PRKCA: variants seen among roughly 807,000 people sequenced by gnomAD.
PRKCA encodes protein kinase C alpha.
Under a neutral mutation model 87.0 loss-of-function variants are expected in PRKCA, and 27 were observed. That is an observed-to-expected ratio of 0.31 (90% CI 0.23 to 0.43). The LOEUF (loss-of-function observed/expected upper bound fraction) is 0.43, where lower values mean the gene tolerates loss of function less well. PRKCA is among the 20% of genes least tolerant of loss of function. The pLI is 1.00. For missense variants in PRKCA, 518 were observed against 852.3 expected (o/e 0.61, Z 4.88); for synonymous variants, 329 against 311.1 (o/e 1.06, Z -0.61).
chr17:66,323,177 T>A (rs1242388306), intron 2 of PRKCA, among the ~76,000 whole-genome samples: 1 of 152,228 alleles, frequency 6.6e-6, no homozygotes, highest in Non-Finnish European at 1.5e-5. Flanking sequence ...GTACCTGACT[T>A]CTTTTGACCT....
At chr17:66,770,933 G>T (rs1024247172) in intron 13 of PRKCA, among the ~76,000 whole-genome samples, 7 of 152,016 alleles carry the variant, frequency 4.6e-5, no homozygotes, top group African/African-American at 1.7e-4. Context: ...AGAAGTTTGA[G>T]AATTTGGAAA....
chr17:66,584,595 C>T (rs566690559), intron 3 of PRKCA, among the ~76,000 whole-genome samples: 2 of 152,110 alleles, frequency 1.3e-5, no homozygotes, highest in Non-Finnish European at 2.9e-5. Context: ...CCCAAATCAA[C>T]ATGTCAGGAG....
chr17:66,309,837 G>T (rs770478408), intron 2 of PRKCA, among the ~76,000 whole-genome samples: 12 of 152,286 alleles, frequency 7.9e-5, no homozygotes, highest in Middle Eastern at 3.4e-3. Flanking sequence ...ACAGGAAGTA[G>T]ATTTGTGTGG....
At chr17:66,560,649 C>CCA (rs1555619554) in intron 3 of PRKCA, among the ~76,000 whole-genome samples, 1 of 152,158 alleles carries the variant, frequency 6.6e-6, no homozygotes, top group Non-Finnish European at 1.5e-5. Flanking sequence ...AGATAATGTA[C>CCA]CAAACACTTT....
chr17:66,714,226 G>C (rs759632577), intron 8 of PRKCA, among the ~76,000 whole-genome samples: 1 of 150,462 alleles, frequency 6.6e-6, no homozygotes, highest in African/African-American at 2.5e-5. Context: ...CCCCCCACCC[G>C]CTGCTTCCTT....
chr17:66,592,123 G>A (rs1969825352), intron 3 of PRKCA, among the ~76,000 whole-genome samples: 1 of 152,102 alleles, frequency 6.6e-6, no homozygotes, highest in African/African-American at 2.4e-5. Context: ...GAGAGGCCGA[G>A]GCAGGCAGAT....
rs567392959 is a variant in PRKCA at position 66,424,673 on chromosome 17, A to G, written c.206-71528A>G. On this transcript the variant is annotated intron_variant, in intron 2 of 16. Coordinates refer to ENST00000413366, the MANE Select transcript of PRKCA (RefSeq NM_002737.3). Reference sequence around the variant, plus strand: ...AAATCAATGTATGAAAGATCCATAAATATTCTGAATTTGTCTTAATGTGTC... The same window carrying G: ...AAATCAATGTATGAAAGATCCATAAGTATTCTGAATTTGTCTTAATGTGTC... 5.2e-4 allele frequency among the ~76,000 whole-genome samples: 79 copies of G among 152,158 alleles called. 1 individual carries two copies. The highest frequency in any genetic ancestry group is 1.9e-3 in the African/African-American group (79 of 41,504).
intron 8 of PRKCA, 47 bp from the exon 9 acceptor site, chr17:66,732,641 C>A (rs1476638157): frequency 6.2e-7 from 1 of 1,612,012 alleles, no homozygotes; most frequent in Non-Finnish European, 8.5e-7. Context: ...GTCACTCTTT[C>A]CCCAGAAAAA....
chr17:66,584,909 T>C lies in PRKCA; in HGVS notation c.289-56446T>C, dbSNP rs146601732. Among the ~76,000 whole-genome samples the C allele has an allele frequency of 3.7e-3, 562 of 152,276 alleles. 9 individuals carry two copies. The highest frequency in any genetic ancestry group is 0.03 in the East Asian group (154 of 5,168). ...CGTCTGGGTTAATACCTGAGGTTCA[T>C]TGCCTCATGCCAAGGAAATCAAGGA... is the stretch of plus-strand genomic sequence containing the variant. On this transcript the variant is annotated intron_variant, in intron 3 of 16. Transcript: ENST00000413366.
chr17:66,719,900 T>C (rs563852964), intron 8 of PRKCA, among the ~76,000 whole-genome samples: 1 of 152,262 alleles, frequency 6.6e-6, no homozygotes, highest in Non-Finnish European at 1.5e-5. Flanking sequence ...GTAGAAATTA[T>C]TTTAAAGCAA....
chr17:66,365,044 A>G (rs1036945829), intron 2 of PRKCA, among the ~76,000 whole-genome samples: 2 of 152,244 alleles, frequency 1.3e-5, no homozygotes, highest in Non-Finnish European at 2.9e-5. Context: ...TTGAAAAGAC[A>G]CATTGCAGCC....
chr17:66,459,783 G>T (rs1271195968), intron 2 of PRKCA, among the ~76,000 whole-genome samples: 2 of 152,128 alleles, frequency 1.3e-5, no homozygotes, highest in African/African-American at 2.4e-5. Flanking sequence ...TTTTCGTTCA[G>T]TGCGTAAGTA....
chr17:66,439,851 A>G (rs1033367509), intron 2 of PRKCA, among the ~76,000 whole-genome samples: 12 of 152,222 alleles, frequency 7.9e-5, no homozygotes, highest in Admixed American at 7.2e-4. Flanking sequence ...ATAAGCAGAG[A>G]AAGGGAATCA....
intron 3 of PRKCA, among the ~76,000 whole-genome samples, chr17:66,572,542 G>A (rs2143400547): frequency 6.6e-6 from 1 of 152,262 alleles, no homozygotes; most frequent in Admixed American, 6.5e-5. Flanking sequence ...AAATGTTCCA[G>A]TTAGTCAAAT....
intron 3 of PRKCA, among the ~76,000 whole-genome samples, chr17:66,500,076 T>C (rs1916662466): frequency 6.6e-6 from 1 of 152,142 alleles, no homozygotes; most frequent in East Asian, 1.9e-4. Flanking sequence ...ATTAGAGAGG[T>C]ACAAGGGAGC....
At chr17:66,673,955 G>A (rs950415673) in intron 5 of PRKCA, among the ~76,000 whole-genome samples, 11 of 152,192 alleles carry the variant, frequency 7.2e-5, no homozygotes, top group Admixed American at 3.9e-4. Context: ...GGCTTTCTTC[G>A]CCCGTGAAAA....
intron 5 of PRKCA, among the ~76,000 whole-genome samples, chr17:66,651,299 A>G (rs186550905): frequency 9.9e-5 from 15 of 152,158 alleles, no homozygotes; most frequent in African/African-American, 3.4e-4. Flanking sequence ...AATCCTTAGG[A>G]GCCATGCGCA....
chr17:66,460,209 C>T (rs1914781834), intron 2 of PRKCA, among the ~76,000 whole-genome samples: 2 of 152,000 alleles, frequency 1.3e-5, no homozygotes, highest in South Asian at 2.1e-4. Flanking sequence ...GGTCATTGCC[C>T]GTGGACTTAG....
intron 10 of PRKCA, among the ~76,000 whole-genome samples, chr17:66,737,149 G>A (rs559285395): frequency 2.5e-4 from 38 of 149,484 alleles, no homozygotes; most frequent in South Asian, 1.3e-3. Context: ...TCAGGAGATC[G>A]AGACCATCCT....
Sources: allele counts gnomAD v4.1 joint callset (sites outside exome capture counted in the v4.1 genomes callset), GRCh38; gene constraint gnomAD v4.1.1; transcripts MANE v1.5; gene names NCBI Gene and HGNC (gene_info 2026-07-23, HGNC 2026-07-21).